The following BTN1A1 variants were observed in gnomAD, a reference collection of about 807,000 sequenced individuals.
The protein encoded by BTN1A1 is butyrophilin subfamily 1 member A1.
BTN1A1 carries 26 observed loss-of-function variants against 33.1 expected under a neutral mutation model. The observed-to-expected ratio is 0.79, with a 90% CI of 0.58 to 1.09. The LOEUF (loss-of-function observed/expected upper bound fraction) is 1.09, where lower values mean the gene tolerates loss of function less well. Among genes scored for constraint, BTN1A1 ranks in the 50% least tolerant of loss-of-function variants. The pLI is 0.00. For missense variants in BTN1A1, 558 were observed against 655.7 expected (o/e 0.85, Z 1.63); for synonymous variants, 235 against 256.2 (o/e 0.92, Z 0.79).
intron 7 of BTN1A1, 134 bp downstream of exon 7, chr6:26,508,221 C>T: frequency 3.3e-6 from 4 of 1,209,570 alleles, no homozygotes; most frequent in Non-Finnish European, 3.5e-6. Context: ...GACAGATGGC[C>T]TCAACAGTTT....
Position 26,501,434 on chromosome 6 carries a change from C to G in BTN1A1, c.79+69C>G. On this transcript the variant is annotated intron_variant, in intron 2 of 7. Transcript: ENST00000684113. This position sits in a 1 kb window ranked among gnomAD's most constrained non-coding sequence, Gnocchi z 5.2. ...AATAAATGTAAAATAAACAATCCCA[C>G]TTGGCTCTCCCTGGAGACCTCCACT... 1 of 1,577,944 alleles carries G rather than the reference C, an allele frequency of 6.3e-7. No individual in the cohort carries two copies.
chr6:26,505,346 A>G, intron 4 of BTN1A1, 140 bp downstream of exon 4: 1 of 766,398 alleles, frequency 1.3e-6, no homozygotes, highest in East Asian at 2.6e-5. Context: ...ACTTAAGGGA[A>G]CCCCACCAAC....
chr6:26,501,769 C>A lies in BTN1A1; in HGVS notation c.259C>A (p.Gln87Lys), dbSNP rs1273015740. Reference protein sequence around the residue: ...HRDGREQEAEQMPEYRGRATL... With the variant: ...HRDGREQEAEKMPEYRGRATL... The stretch of plus-strand genomic sequence containing the variant: ...GGACGGGCGCGAGCAGGAAGCCGAG[C>A]AGATGCCCGAGTACCGCGGGCGGGC... The change falls in exon 3 of 8, where the codon CAG becomes AAG. Residue 87 changes from glutamine (Q) to lysine (K), a missense_variant. Coordinates refer to ENST00000684113, the MANE Select transcript of BTN1A1 (RefSeq NM_001732.3). This position sits in a 1 kb window ranked among gnomAD's most constrained non-coding sequence, Gnocchi z 5.2. 6.2e-7 allele frequency: 1 copy of A among 1,613,692 alleles called. No individual in the cohort carries two copies. Among genetic ancestry groups the A allele is most frequent in the Non-Finnish European group, 8.5e-7 (1 of 1,179,956 alleles).
intron 3 of BTN1A1, among the ~76,000 whole-genome samples, chr6:26,503,101 G>A (rs1763824058): frequency 6.6e-6 from 1 of 151,978 alleles, no homozygotes; most frequent in African/African-American, 2.4e-5. Flanking sequence ...GAGGCAGGAG[G>A]ATCTCTTGAG....
chr6:26,507,873 T>G (rs746814263), intron 5 of BTN1A1, 77 bp from the exon 6 acceptor site: 232 of 1,425,584 alleles, frequency 1.6e-4, no homozygotes, highest in Non-Finnish European at 2.2e-4. Flanking sequence ...CTCCTTTGTG[T>G]GTTTCCCACA....
chr6:26,505,347 C>T, intron 4 of BTN1A1, 141 bp downstream of exon 4: 1 of 765,454 alleles, frequency 1.3e-6, no homozygotes, highest in East Asian at 2.6e-5. Context: ...CTTAAGGGAA[C>T]CCCACCAACT....
chr6:26,508,682 G>A lies in BTN1A1; in HGVS notation c.1089G>A (p.Glu363=). 2 of 1,614,210 alleles carry A rather than the reference G, an allele frequency of 1.2e-6. No homozygotes were observed. The highest frequency in any genetic ancestry group is 1.7e-6 in the Non-Finnish European group (2 of 1,180,040). ...FTSGRHYWEV[E]VGDRTDWAIG... is the part of the protein sequence containing the mutation. The stretch of plus-strand genomic sequence containing the variant: ...CAGGAAGGCATTACTGGGAGGTGGA[G>A]GTGGGAGACAGGACTGACTGGGCAA... Residue 363 remains glutamate, a synonymous_variant, in exon 8 of 8, where the codon GAG becomes GAA. Coordinates refer to ENST00000684113, the MANE Select transcript of BTN1A1 (RefSeq NM_001732.3).
Position 26,501,125 on chromosome 6 carries a change from G to C in BTN1A1, c.-57-105G>C, listed in dbSNP as rs1763792212. ...ATGGAGGCTGAGAGGAGGTTTCAGG[G>C]GCAAATGACCAGAACACTTGCAGCT... On this transcript the variant is annotated intron_variant, in intron 1 of 7. Coordinates refer to ENST00000684113, the MANE Select transcript of BTN1A1 (RefSeq NM_001732.3). The surrounding 1 kb of genome is among the most constrained non-coding windows in gnomAD (Gnocchi z 5.2). The C allele has an allele frequency of 1.5e-6, 1 of 652,772 alleles. No individual in the cohort carries two copies. Among genetic ancestry groups the C allele is most frequent in the South Asian group, 1.8e-5 (1 of 56,152 alleles). 40.4% of individuals were successfully genotyped at this position (652,772 alleles called of 1,614,324 possible). A position where few individuals can be genotyped will look rare whatever the true frequency, so the allele number is the denominator to read the frequency against.
intron 4 of BTN1A1, among the ~76,000 whole-genome samples, chr6:26,506,154 C>T (rs1346312388): frequency 1.3e-5 from 2 of 149,914 alleles, no homozygotes; most frequent in Non-Finnish European, 3.0e-5. Flanking sequence ...AGTTATTTTT[C>T]TACTTTTGCC....
chr6:26,502,347 G>A (rs1581428295), intron 3 of BTN1A1, among the ~76,000 whole-genome samples: 3 of 152,200 alleles, frequency 2.0e-5, no homozygotes, highest in South Asian at 2.1e-4. Flanking sequence ...CAGGAAGGAT[G>A]ACTGTGAGTT....
At position 26,501,450 on chromosome 6, in the gene BTN1A1, G is replaced by A; in HGVS notation, c.79+85G>A. On this transcript the variant is annotated intron_variant, in intron 2 of 7. Coordinates refer to ENST00000684113, the MANE Select transcript of BTN1A1 (RefSeq NM_001732.3). This position sits in a 1 kb window ranked among gnomAD's most constrained non-coding sequence, Gnocchi z 5.2. ...ACAATCCCACTTGGCTCTCCCTGGA[G>A]ACCTCCACTGGATCCAGACAAACTC... 1 of 1,566,938 alleles carries A rather than the reference G, an allele frequency of 6.4e-7. No individual in the cohort carries two copies. Among genetic ancestry groups the A allele is most frequent in the Middle Eastern group, 1.7e-4 (1 of 5,964 alleles).
rs1763908942 is a variant in BTN1A1 at position 26,508,952 on chromosome 6, T to TGGCCCCCTCC, written c.1365_1374dup (p.Phe459ProfsTer10). 1 of 1,614,114 alleles carries TGGCCCCCTCC rather than the reference T, an allele frequency of 6.2e-7. No homozygotes were observed. Among genetic ancestry groups the TGGCCCCCTCC allele is most frequent in the Non-Finnish European group, 8.5e-7 (1 of 1,180,040 alleles). ...ATACTTTCTCCAATGTCACTTTCTC[T>TGGCCCCCTCC]GGCCCCCTCCGGCCCTTCTTTTGCC... is the stretch of plus-strand genomic sequence containing the variant. On this transcript the variant is annotated frameshift_variant, in exon 8 of 8. Transcript: ENST00000684113. LOFTEE classifies it low-confidence loss of function (END_TRUNC).
rs772674092 is a variant in BTN1A1 at position 26,501,710 on chromosome 6, G to A, written c.200G>A (p.Arg67Gln). Residue 67 changes from arginine (R) to glutamine (Q), a missense_variant, in exon 3 of 8, where the codon CGA becomes CAA. Transcript: ENST00000684113. The surrounding 1 kb of genome is among the most constrained non-coding windows in gnomAD (Gnocchi z 5.2). ...GAGCACTTGGAGCTACGCTGGTTCC[G>A]AAAGAAGGTTTCGCCGGCCGTGCTG... ...SAEHLELRWF[R>Q]KKVSPAVLVH... The A allele has an allele frequency of 1.2e-5, 20 of 1,614,010 alleles. No homozygotes were observed. Among genetic ancestry groups the A allele is most frequent in the Admixed American group, 3.3e-5 (2 of 60,016 alleles).
chr6:26,501,279 G>T lies in BTN1A1; in HGVS notation c.-8G>T, dbSNP rs1049543195. ...ATCAGTTATCTTGCTGCTCCAGAAGGGTGGGAGATGGCAGTTTTCCCAAGC... is the reference window on the plus strand; with the variant it reads ...ATCAGTTATCTTGCTGCTCCAGAAGTGTGGGAGATGGCAGTTTTCCCAAGC... On this transcript the variant is annotated 5_prime_UTR_variant, in exon 2 of 8. Transcript: ENST00000684113. The surrounding 1 kb of genome is among the most constrained non-coding windows in gnomAD (Gnocchi z 5.2). 1 of 1,613,156 alleles carries T rather than the reference G, an allele frequency of 6.2e-7. No homozygotes were observed. The highest frequency in any genetic ancestry group is 1.1e-5 in the South Asian group (1 of 91,060).
At chr6:26,507,895 C>T in intron 5 of BTN1A1, 55 bp from the exon 6 acceptor site, 1 of 1,593,504 alleles carries the variant, frequency 6.3e-7, no homozygotes, top group Non-Finnish European at 8.6e-7. Flanking sequence ...GAGTTTTGTC[C>T]CCTCCTTTAC....
In BTN1A1 at chr6:26,509,126, T is replaced by C; in HGVS notation, c.1533T>C (p.Thr511=). Residue 511 remains threonine (T), a synonymous_variant, in exon 8 of 8, where the codon ACT becomes ACC. Transcript: ENST00000684113. ...GEDSAPRDAD[T]LHSKLIPTQP... The stretch of plus-strand genomic sequence containing the variant: ...ACTCTGCCCCTAGGGATGCAGACAC[T>C]CTCCATTCTAAGCTAATCCCTACCC... 1.9e-6 allele frequency: 3 copies of C among 1,613,902 alleles called. No homozygotes were observed. Among genetic ancestry groups the C allele is most frequent in the Non-Finnish European group, 2.5e-6 (3 of 1,179,912 alleles).
In BTN1A1 at chr6:26,509,066, T is replaced by G; in HGVS notation, c.1473T>G (p.Leu491=). 6.2e-7 allele frequency: 1 copy of G among 1,614,166 alleles called. No homozygotes were observed. ...RVTVIANAQD[L]SKEIPLSPMG... is the part of the protein sequence containing the mutation. The stretch of plus-strand genomic sequence containing the variant: ...CAGTCATTGCTAATGCCCAGGACCT[T>G]TCTAAGGAGATCCCATTGTCCCCCA... Residue 491 remains leucine, a synonymous_variant, in exon 8 of 8, where the codon CTT becomes CTG. Transcript: ENST00000684113.
At chr6:26,506,959 G>A (rs573976601) in intron 5 of BTN1A1, 127 bp downstream of exon 5, 28 of 1,194,388 alleles carry the variant, frequency 2.3e-5, no homozygotes, top group African/African-American at 2.3e-4. Context: ...GGTGGCTCAC[G>A]CCTGTAATCC....
Position 26,508,043 on chromosome 6 carries a change from C to G in BTN1A1, c.881-18C>G. 1 of 1,612,606 alleles carries G rather than the reference C, an allele frequency of 6.2e-7. No homozygotes were observed. On this transcript the variant is annotated intron_variant, in intron 6 of 7. Coordinates refer to ENST00000684113, the MANE Select transcript of BTN1A1 (RefSeq NM_001732.3). ...TATTATATAACCTGTCAATGACTATCTTTCTCTTTTGTTGCAGAATGGAAA... is the reference window on the plus strand; with the variant it reads ...TATTATATAACCTGTCAATGACTATGTTTCTCTTTTGTTGCAGAATGGAAA...
Sources: allele counts gnomAD v4.1 joint callset (sites outside exome capture counted in the v4.1 genomes callset), GRCh38; gene constraint gnomAD v4.1.1; non-coding constraint Gnocchi (gnomAD v3.1); transcripts MANE v1.5; gene names NCBI Gene and HGNC (gene_info 2026-07-23, HGNC 2026-07-21).